GABRB1: variants seen among roughly 807,000 people sequenced by gnomAD.
The protein encoded by GABRB1 is gamma-aminobutyric acid type A receptor subunit beta1.
Under a neutral mutation model 51.6 loss-of-function variants are expected in GABRB1, and 17 were observed. That is an observed-to-expected ratio of 0.33 (90% CI 0.23 to 0.49). GABRB1 has a LOEUF of 0.49. Among genes scored for constraint, GABRB1 ranks in the 20% least tolerant of loss-of-function variants. The pLI is 0.99. For synonymous variants in GABRB1, 247 were observed against 218.9 expected (o/e 1.13, Z -1.14); for missense variants, 410 against 600.6 (o/e 0.68, Z 3.32).
intron 8 of GABRB1, among the ~76,000 whole-genome samples, chr4:47,412,700 A>C (rs926064305): frequency 6.6e-6 from 1 of 152,162 alleles, no homozygotes; most frequent in African/African-American, 2.4e-5. Flanking sequence ...AATAGGAGAA[A>C]GAAAGAGAAA....
chr4:47,208,536 T>C lies in GABRB1; in HGVS notation c.461+47067T>C, dbSNP rs982668838. 1.1e-4 allele frequency among the ~76,000 whole-genome samples: 16 copies of C among 152,220 alleles called. 1 individual carries two copies. Among genetic ancestry groups the C allele is most frequent in the Admixed American group, 7.2e-4 (11 of 15,252 alleles). ...CACAATTTTTAAAAAAGTAATATAA[T>C]ATACCAAAAAACATTGAATTGTATA... On this transcript the variant is annotated intron_variant, in intron 4 of 8. Coordinates refer to ENST00000295454, the MANE Select transcript of GABRB1 (RefSeq NM_000812.4).
intron 3 of GABRB1, among the ~76,000 whole-genome samples, chr4:47,064,641 C>CAAAAA (rs33963952): frequency 2.7e-4 from 16 of 58,214 alleles, no homozygotes; most frequent in African/African-American, 6.7e-4. Flanking sequence ...GACTCCATCT[C>CAAAAA]AAAAAAAAAA....
chr4:47,295,238 A>G (rs1027297400), intron 4 of GABRB1, among the ~76,000 whole-genome samples: 2 of 152,244 alleles, frequency 1.3e-5, no homozygotes, highest in Non-Finnish European at 2.9e-5. Flanking sequence ...CTCACCAGCA[A>G]CGGAACAAAG....
At chr4:47,158,598 G>A (rs1490113787) in intron 3 of GABRB1, among the ~76,000 whole-genome samples, 1 of 152,106 alleles carries the variant, frequency 6.6e-6, no homozygotes, top group Non-Finnish European at 1.5e-5. Context: ...GCTGACACAT[G>A]TATTCCATTG....
intron 4 of GABRB1, among the ~76,000 whole-genome samples, chr4:47,303,380 C>A (rs560077609): frequency 7.8e-6 from 1 of 128,722 alleles, no homozygotes; most frequent in African/African-American, 2.9e-5. Context: ...CTCTCTCTCT[C>A]TCTCTCTATA....
At chr4:47,134,697 T>A (rs1716564252) in intron 3 of GABRB1, among the ~76,000 whole-genome samples, 1 of 152,122 alleles carries the variant, frequency 6.6e-6, no homozygotes, top group Admixed American at 6.6e-5. Context: ...GAAGTAGAGA[T>A]AAAGATGAAA....
intron 4 of GABRB1, among the ~76,000 whole-genome samples, chr4:47,246,327 C>T (rs1439460087): frequency 1.7e-5 from 1 of 58,574 alleles, no homozygotes; most frequent in Non-Finnish European, 3.4e-5. Flanking sequence ...CACACACACA[C>T]ACATATGTAC....
chr4:47,226,378 A>C (rs934333452), intron 4 of GABRB1, among the ~76,000 whole-genome samples: 24 of 152,264 alleles, frequency 1.6e-4, no homozygotes, highest in African/African-American at 5.3e-4. Context: ...ACCAGACGAA[A>C]GAATATTACA....
At chr4:47,064,641 C>T (rs1289804203) in intron 3 of GABRB1, among the ~76,000 whole-genome samples, 2 of 58,230 alleles carry the variant, frequency 3.4e-5, no homozygotes, top group Admixed American at 2.0e-4. Context: ...GACTCCATCT[C>T]AAAAAAAAAA....
At chr4:47,179,329 T>C (rs1718846560) in intron 4 of GABRB1, among the ~76,000 whole-genome samples, 1 of 152,150 alleles carries the variant, frequency 6.6e-6, no homozygotes, top group African/African-American at 2.4e-5. Flanking sequence ...TTATCCAGTC[T>C]ATCATTGAAG....
chr4:47,252,954 C>T (rs1242249042), intron 4 of GABRB1, among the ~76,000 whole-genome samples: 1 of 152,268 alleles, frequency 6.6e-6, no homozygotes, highest in African/African-American at 2.4e-5. Flanking sequence ...TTTTATAGTA[C>T]TTACCACATA....
intron 4 of GABRB1, among the ~76,000 whole-genome samples, chr4:47,210,115 T>G (rs1720297626): frequency 1.3e-5 from 2 of 152,116 alleles, no homozygotes; most frequent in African/African-American, 4.8e-5. Flanking sequence ...TGATGTGTCA[T>G]TAAGAAACCA....
intron 4 of GABRB1, among the ~76,000 whole-genome samples, chr4:47,253,772 T>C (rs904621301): frequency 6.6e-6 from 1 of 152,200 alleles, no homozygotes; most frequent in African/African-American, 2.4e-5. Context: ...AAAGGGACTT[T>C]TGAAGCTCAC....
rs1302699300 is a variant in GABRB1 at position 47,269,318 on chromosome 4, ATT to A, written c.462-50808_462-50807del. ...AGCACTTTTCATTATGCACTTCTTT[ATT>A]AACTTAAGGTTTCTTAGGCAAGCAT... On this transcript the variant is annotated intron_variant, in intron 4 of 8. Coordinates refer to ENST00000295454, the MANE Select transcript of GABRB1 (RefSeq NM_000812.4). Among the ~76,000 whole-genome samples, 13 of 152,332 alleles carry A rather than the reference ATT, an allele frequency of 8.5e-5. No homozygotes were observed. The East Asian group carries it at 2.5e-3, about 29-fold the overall frequency.
At chr4:47,025,663 GTTAA>G (rs914495179) in intron 1 of GABRB1, among the ~76,000 whole-genome samples, 11 of 151,854 alleles carry the variant, frequency 7.2e-5, no homozygotes, top group Admixed American at 3.3e-4. Flanking sequence ...TCTTATCTCA[GTTAA>G]TTAATGAAGA....
Position 47,335,110 on chromosome 4 carries a change from A to G in GABRB1, c.544+14901A>G, listed in dbSNP as rs1396234774. On this transcript the variant is annotated intron_variant, in intron 5 of 8. Coordinates refer to ENST00000295454, the MANE Select transcript of GABRB1 (RefSeq NM_000812.4). Reference sequence around the variant, plus strand: ...TTTTAAGTAACCTAGTCCCTTTACTAGGAATCAGTAATCGTTTTAGCATGA... The same window carrying G: ...TTTTAAGTAACCTAGTCCCTTTACTGGGAATCAGTAATCGTTTTAGCATGA... Among the ~76,000 whole-genome samples, 3 of 152,274 alleles carry G rather than the reference A, an allele frequency of 2.0e-5. No homozygotes were observed. The South Asian group carries it at 6.2e-4, about 32-fold the overall frequency.
intron 4 of GABRB1, among the ~76,000 whole-genome samples, chr4:47,206,901 T>C (rs1248023763): frequency 2.0e-5 from 3 of 151,746 alleles, no homozygotes; most frequent in Non-Finnish European, 2.9e-5. Context: ...TGTATATGTG[T>C]GTGTGTTTAT....
intron 5 of GABRB1, among the ~76,000 whole-genome samples, chr4:47,338,557 G>A (rs1318636239): frequency 6.6e-6 from 1 of 152,140 alleles, no homozygotes; most frequent in East Asian, 1.9e-4. Flanking sequence ...TTTTAGGCTT[G>A]TGATCACTTG....
At chr4:47,364,278 C>A (rs901408049) in intron 5 of GABRB1, among the ~76,000 whole-genome samples, 2 of 152,046 alleles carry the variant, frequency 1.3e-5, no homozygotes, top group African/African-American at 4.8e-5. Flanking sequence ...AGGACAAAGG[C>A]CTCCAAACTG....
Sources: allele counts gnomAD v4.1 joint callset (sites outside exome capture counted in the v4.1 genomes callset), GRCh38; gene constraint gnomAD v4.1.1; transcripts MANE v1.5; gene names NCBI Gene and HGNC (gene_info 2026-07-23, HGNC 2026-07-21).